Variants in GALNT14 observed in about 807,000 individuals in gnomAD.
GALNT14 encodes the protein polypeptide N-acetylgalactosaminyltransferase 14.
GALNT14 carries 60 observed loss-of-function variants against 77.5 expected under a neutral mutation model. That is an observed-to-expected ratio of 0.77 (90% confidence interval 0.63 to 0.96). The LOEUF is 0.96. GALNT14 is among the 40% of genes least tolerant of loss of function. The pLI is 0.00. For missense variants in GALNT14, 710 were observed against 731.0 expected (o/e 0.97, Z 0.33); for synonymous variants, 280 against 281.7 (o/e 0.99, Z 0.06).
intron 1 of GALNT14, among the ~76,000 whole-genome samples, chr2:31,091,053 G>T (rs1180906641): frequency 6.6e-6 from 1 of 152,134 alleles, no homozygotes; most frequent in Non-Finnish European, 1.5e-5. Flanking sequence ...CAGCAGTGAA[G>T]GTATTTCAGG....
At chr2:31,076,631 T>TATATATATATATA (rs1558551969) in intron 1 of GALNT14, among the ~76,000 whole-genome samples, 20 of 112,692 alleles carry the variant, frequency 1.8e-4, no homozygotes, top group African/African-American at 5.3e-4. Flanking sequence ...ATATATATAT[T>TATATATATATATA]TTTTTTTTTT....
Position 31,057,323 on chromosome 2 carries a change from A to G in GALNT14, c.130-64316T>C, listed in dbSNP as rs1674286129. Among the ~76,000 whole-genome samples the G allele has an allele frequency of 2.9e-5, 4 of 140,240 alleles. No homozygotes were observed. In the Admixed American group the frequency reaches 3.0e-4, roughly 10 times the overall value. The allele number at this position is 140,240 out of a possible 152,430, so 92.0% of individuals were successfully genotyped here. On this transcript the variant is annotated intron_variant, in intron 1 of 14. Coordinates refer to ENST00000349752, the MANE Select transcript of GALNT14 (RefSeq NM_024572.4). ...TATATATATATATATATATAAAATT[A>G]TATATTATATATACACGTATATATA...
intron 1 of GALNT14, among the ~76,000 whole-genome samples, chr2:31,132,238 T>C (rs1679029206): frequency 6.6e-6 from 1 of 152,164 alleles, no homozygotes; most frequent in South Asian, 2.1e-4. Flanking sequence ...AGGCCAAAAA[T>C]GACCCACGGT....
the GALNT14 span, among the ~76,000 whole-genome samples, chr2:30,905,404 C>A: frequency 4.0e-5 from 6 of 151,390 alleles, no homozygotes; most frequent in African/African-American, 1.5e-4. Context: ...TCGAGAACTA[C>A]GTGAAGAATG....
At position 30,970,004 on chromosome 2, in the gene GALNT14, T is replaced by G. The variant is rs187215811; in HGVS notation, c.300-3702A>C. ...AGTTTCTTCATCTGGAAAATGGAGA[T>G]AACAATTCTGGAAGATTTTCTCCCT... On this transcript the variant is annotated intron_variant, in intron 2 of 14. Transcript: ENST00000349752. Among the ~76,000 whole-genome samples, 93 of 152,344 alleles carry G rather than the reference T, an allele frequency of 6.1e-4. 1 individual carries two copies. The highest frequency in any genetic ancestry group is 2.2e-3 in the African/African-American group (92 of 41,578).
intron 1 of GALNT14, among the ~76,000 whole-genome samples, chr2:31,036,140 A>T (rs1316737596): frequency 6.6e-6 from 1 of 152,216 alleles, no homozygotes; most frequent in African/African-American, 2.4e-5. Context: ...CAATGTAATT[A>T]GTAATAAGGT....
At chr2:31,134,496 C>G (rs1303300741) in intron 1 of GALNT14, among the ~76,000 whole-genome samples, 2 of 152,262 alleles carry the variant, frequency 1.3e-5, no homozygotes, top group Non-Finnish European at 2.9e-5. Context: ...CGAATTCCTA[C>G]TGTTGAAGAA....
chr2:30,937,589 G>A (rs1237081650), intron 9 of GALNT14, among the ~76,000 whole-genome samples: 1 of 152,176 alleles, frequency 6.6e-6, no homozygotes, highest in East Asian at 1.9e-4. Context: ...AGCAGCCGTG[G>A]TCGGTACCTC....
At chr2:30,932,277 G>T in intron 9 of GALNT14, 83 bp from the exon 10 acceptor site, 1 of 1,303,028 alleles carries the variant, frequency 7.7e-7, no homozygotes, top group Non-Finnish European at 1.0e-6. Flanking sequence ...AAACGGTGAG[G>T]CCCCCGCAGA....
At chr2:31,102,751 T>A (rs1204663937) in intron 1 of GALNT14, among the ~76,000 whole-genome samples, 4 of 152,176 alleles carry the variant, frequency 2.6e-5, no homozygotes, top group Non-Finnish European at 5.9e-5. Flanking sequence ...ATTAAAGTGA[T>A]CCGTTACCAG....
intron 11 of GALNT14, among the ~76,000 whole-genome samples, chr2:30,928,859 C>T (rs1338070530): frequency 6.6e-6 from 1 of 152,174 alleles, no homozygotes. Context: ...TTGTGATTCA[C>T]CCACCTCGGC....
chr2:30,934,660 A>G (rs1665946196), intron 9 of GALNT14, among the ~76,000 whole-genome samples: 2 of 152,042 alleles, frequency 1.3e-5, no homozygotes, highest in South Asian at 4.1e-4. Context: ...AGCCATGCAC[A>G]GGTCCCCAGC....
At chr2:30,908,456 C>G (rs1664203675), downstream of GALNT14, among the ~76,000 whole-genome samples, 1 of 143,450 alleles carries the variant, frequency 7.0e-6, no homozygotes, top group African/African-American at 2.6e-5. Flanking sequence ...CTCCCATTCA[C>G]AATTGCTTCA....
chr2:31,035,420 T>C (rs72868765), intron 1 of GALNT14, among the ~76,000 whole-genome samples: 6,039 of 151,974 alleles, frequency 0.04, 375 homozygotes, highest in African/African-American at 0.14. Context: ...TTTTGTTTAC[T>C]GTGTGGATGT....
intron 1 of GALNT14, among the ~76,000 whole-genome samples, chr2:31,102,372 A>T (rs1677323547): frequency 6.6e-6 from 1 of 152,036 alleles, no homozygotes; most frequent in South Asian, 2.1e-4. Flanking sequence ...TTTCCAGAAA[A>T]TCTGCAATTT....
At chr2:31,012,690 G>A (rs1671105818) in intron 1 of GALNT14, among the ~76,000 whole-genome samples, 1 of 151,884 alleles carries the variant, frequency 6.6e-6, no homozygotes, top group Non-Finnish European at 1.5e-5. Context: ...GAACTGCATG[G>A]CAATGATGCA....
At chr2:31,018,842 C>T (rs1671543461) in intron 1 of GALNT14, among the ~76,000 whole-genome samples, 1 of 152,138 alleles carries the variant, frequency 6.6e-6, no homozygotes, top group Non-Finnish European at 1.5e-5. Flanking sequence ...GGCCTGCAGG[C>T]TCAGCAGCTG....
Position 31,138,294 on chromosome 2 carries a change from A to C in GALNT14, c.-208T>G. 1.7e-6 allele frequency: 1 copy of C among 574,420 alleles called. No homozygotes were observed. The highest frequency in any genetic ancestry group is 3.0e-6 in the Non-Finnish European group (1 of 333,092). 35.6% of individuals were successfully genotyped at this position (574,420 alleles called of 1,614,324 possible). A position where few individuals can be genotyped will look rare whatever the true frequency, so the allele number is the denominator to read the frequency against. ...GGGTGGGGGGTGCAGGGCGACCCGA[A>C]ACGTGGCAGGGAAGGACCGAGGGCA... is the stretch of plus-strand genomic sequence containing the variant. On this transcript the variant is annotated 5_prime_UTR_variant, in exon 1 of 15. Coordinates refer to ENST00000349752, the MANE Select transcript of GALNT14 (RefSeq NM_024572.4).
At position 30,976,606 on chromosome 2, in the gene GALNT14, C is replaced by CGTGTGTGTGTGTGT. The variant is rs550215452; in HGVS notation, c.300-10305_300-10304insACACACACACACAC. Among the ~76,000 whole-genome samples, 120 of 144,248 alleles carry CGTGTGTGTGTGTGT rather than the reference C, an allele frequency of 8.3e-4. 1 individual carries two copies. The highest frequency in any genetic ancestry group is 1.3e-3 in the Admixed American group (19 of 15,086). The allele number at this position is 144,248 out of a possible 152,430, so 94.6% of individuals were successfully genotyped here. A position where few individuals can be genotyped will look rare whatever the true frequency, so the allele number is the denominator to read the frequency against. ...CAGACGGCAGCTGTGTGTGCATGTG[C>CGTGTGTGTGTGTGT]GTGTGCGTGTGTGTATGTGTGTGTG... is the stretch of plus-strand genomic sequence containing the variant. On this transcript the variant is annotated intron_variant, in intron 2 of 14. Coordinates refer to ENST00000349752, the MANE Select transcript of GALNT14 (RefSeq NM_024572.4).
Sources: gnomAD v4.1 joint callset for allele counts (sites outside exome capture counted in the v4.1 genomes callset) on GRCh38, gnomAD v4.1.1 for gene constraint, MANE v1.5 for transcripts, NCBI Gene and HGNC (gene_info 2026-07-23, HGNC 2026-07-21) for gene names.